The following RPS6KC1 variants were observed in gnomAD, a reference collection of about 807,000 sequenced individuals.
RPS6KC1 encodes the protein inactive ribosomal protein S6 kinase delta-1.
A neutral mutation model predicts 103.8 loss-of-function variants in RPS6KC1; 54 were observed. The ratio of observed to expected loss-of-function variants is 0.52; its 90% CI spans 0.42 to 0.65. RPS6KC1 has a LOEUF of 0.65. Ranked by LOEUF, RPS6KC1 falls within the 30% of genes least tolerant of loss-of-function variation. RPS6KC1 has a pLI of 0.00. For missense variants in RPS6KC1, 1,151 were observed against 1,253.8 expected (o/e 0.92, Z 1.24); for synonymous variants, 439 against 438.7 (o/e 1.00, Z -0.01).
chr1:213,638,975 A>G, the RPS6KC1 span, among the ~76,000 whole-genome samples: 3 of 152,052 alleles, frequency 2.0e-5, no homozygotes, highest in Non-Finnish European at 4.4e-5. Flanking sequence ...TGAGTCTTCT[A>G]TGCCATGGAT....
the RPS6KC1 span, among the ~76,000 whole-genome samples, chr1:213,317,576 T>C: frequency 6.6e-6 from 1 of 152,098 alleles, no homozygotes; most frequent in Non-Finnish European, 1.5e-5. Context: ...ACAATCACAT[T>C]AGGGGTGGGG....
At chr1:213,290,160 A>AG in the RPS6KC1 span, among the ~76,000 whole-genome samples, 2 of 151,582 alleles carry the variant, frequency 1.3e-5, no homozygotes, top group East Asian at 3.9e-4. Flanking sequence ...AAAAAAAAAA[A>AG]AAAAAAAAGA....
Position 213,242,101 on chromosome 1 carries a change from G to T in RPS6KC1, c.2625G>T (p.Val875=). The T allele has an allele frequency of 6.2e-7, 1 of 1,613,900 alleles. No homozygotes were observed. Among genetic ancestry groups the T allele is most frequent in the Non-Finnish European group, 8.5e-7 (1 of 1,179,882 alleles). Residue 875 remains valine (V), a synonymous_variant, in exon 11 of 15, where the codon GTG becomes GTT. Transcript: ENST00000366960. ...AGACTAAGGGTGAAAGTGGTTTAGT[G>T]CTAGAAGGAGACAAGGAAATACATC... ...DSETKGESGL[V]LEGDKEIHQI...
the RPS6KC1 span, among the ~76,000 whole-genome samples, chr1:213,629,126 C>G: frequency 6.6e-6 from 1 of 152,106 alleles, no homozygotes; most frequent in Non-Finnish European, 1.5e-5. Flanking sequence ...GAGTTCAATT[C>G]CTGGGTATCC....
At chr1:213,711,064 T>A in the RPS6KC1 span, among the ~76,000 whole-genome samples, 1 of 152,322 alleles carries the variant, frequency 6.6e-6, no homozygotes, top group Admixed American at 6.5e-5. Flanking sequence ...TGTTGGCCTG[T>A]CTTGCTAGGT....
chr1:213,559,669 G>A, the RPS6KC1 span, among the ~76,000 whole-genome samples: 2 of 152,250 alleles, frequency 1.3e-5, no homozygotes, highest in Non-Finnish European at 2.9e-5. Context: ...CCGAGGGCCT[G>A]GGACTTTAGT....
chr1:213,553,819 G>A, the RPS6KC1 span, among the ~76,000 whole-genome samples: 25 of 152,184 alleles, frequency 1.6e-4, 1 homozygote, highest in South Asian at 5.2e-3. Flanking sequence ...CTTGCTGTGT[G>A]TATAACTTCT....
At chr1:213,624,333 G>T in the RPS6KC1 span, among the ~76,000 whole-genome samples, 2 of 152,354 alleles carry the variant, frequency 1.3e-5, no homozygotes, top group South Asian at 2.1e-4. Flanking sequence ...TGTATGCAAT[G>T]ATCTTTGTCC....
At chr1:213,231,591 A>T (rs1159359069) in intron 9 of RPS6KC1, among the ~76,000 whole-genome samples, 1 of 152,164 alleles carries the variant, frequency 6.6e-6, no homozygotes, top group Non-Finnish European at 1.5e-5. Context: ...TGTGTGTGTG[A>T]ATATACTTTA....
At chr1:213,142,761 G>A (rs1011889880) in intron 6 of RPS6KC1, among the ~76,000 whole-genome samples, 5 of 152,012 alleles carry the variant, frequency 3.3e-5, no homozygotes, top group African/African-American at 9.7e-5. Flanking sequence ...CTGAAGGCTC[G>A]GATGATCGTT....
At chr1:213,536,989 G>C in the RPS6KC1 span, among the ~76,000 whole-genome samples, 1 of 152,204 alleles carries the variant, frequency 6.6e-6, no homozygotes, top group Non-Finnish European at 1.5e-5. Flanking sequence ...TTCATTGGTT[G>C]TAGGCTGGAC....
chr1:213,546,292 T>C, the RPS6KC1 span: 1 of 152,348 alleles, frequency 6.6e-6, no homozygotes, highest in Non-Finnish European at 1.5e-5. Flanking sequence ...GGCACAAAGC[T>C]GATCATTCAG....
At chr1:213,490,962 A>G in the RPS6KC1 span, among the ~76,000 whole-genome samples, 3 of 152,074 alleles carry the variant, frequency 2.0e-5, no homozygotes, top group Middle Eastern at 3.2e-3. Flanking sequence ...TCCTGGAAAC[A>G]TTGTCCCCAC....
chr1:213,500,389 G>T, the RPS6KC1 span, among the ~76,000 whole-genome samples: 2 of 152,058 alleles, frequency 1.3e-5, no homozygotes. Flanking sequence ...CCTTCATTTG[G>T]AATACCTTCC....
At chr1:213,326,197 A>G in the RPS6KC1 span, among the ~76,000 whole-genome samples, 5 of 152,202 alleles carry the variant, frequency 3.3e-5, no homozygotes, top group Non-Finnish European at 7.3e-5. Flanking sequence ...GATGAAATAA[A>G]TAAGAGAAAA....
At chr1:213,701,228 A>G in the RPS6KC1 span, among the ~76,000 whole-genome samples, 58 of 119,466 alleles carry the variant, frequency 4.9e-4, no homozygotes, top group African/African-American at 1.6e-3. Context: ...TGTTCCTTCT[A>G]TACCCTATTT....
chr1:213,700,460 G>C, the RPS6KC1 span, among the ~76,000 whole-genome samples: 1 of 151,640 alleles, frequency 6.6e-6, no homozygotes, highest in Non-Finnish European at 1.5e-5. Context: ...CTCTGTATTT[G>C]AAGTCAGGTA....
chr1:213,416,888 C>T, the RPS6KC1 span, among the ~76,000 whole-genome samples: 1 of 152,190 alleles, frequency 6.6e-6, no homozygotes, highest in East Asian at 1.9e-4. Context: ...CCTCCTCACT[C>T]ACCTCCCCTG....
At chr1:213,680,486 A>T in the RPS6KC1 span, among the ~76,000 whole-genome samples, 1 of 152,172 alleles carries the variant, frequency 6.6e-6, no homozygotes, top group South Asian at 2.1e-4. Context: ...CTAGGGGCAG[A>T]ACTGCCTTGC....
Sources: gnomAD v4.1 joint callset for allele counts (sites outside exome capture counted in the v4.1 genomes callset) on GRCh38, gnomAD v4.1.1 for gene constraint, MANE v1.5 for transcripts, NCBI Gene and HGNC (gene_info 2026-07-23, HGNC 2026-07-21) for gene names.